The following TCF7L1 variants were observed in gnomAD, a reference collection of about 807,000 sequenced individuals.
TCF7L1 encodes the protein transcription factor 7-like 1.
Under a neutral mutation model 63.7 loss-of-function variants are expected in TCF7L1, and 18 were observed. The ratio of observed to expected loss-of-function variants is 0.28; its 90% CI spans 0.20 to 0.42. The LOEUF (loss-of-function observed/expected upper bound fraction) is 0.42, where lower values mean the gene tolerates loss of function less well. Ranked by LOEUF, TCF7L1 falls within the 10% of genes least tolerant of loss-of-function variation. TCF7L1 has a pLI of 1.00. For missense variants in TCF7L1, 654 were observed against 779.3 expected, an observed-to-expected ratio of 0.84 and a Z score of 1.91; for synonymous variants, 355 against 340.9, an observed-to-expected ratio of 1.04 and a Z score of -0.46.
chr2:85,241,712 T>C (rs1282834609), intron 3 of TCF7L1, among the ~76,000 whole-genome samples: 1 of 152,142 alleles, frequency 6.6e-6, no homozygotes, highest in African/African-American at 2.4e-5. Context: ...CCTAAAGTGC[T>C]GGGATTATAG....
intron 3 of TCF7L1, among the ~76,000 whole-genome samples, chr2:85,199,873 T>G (rs1341608285): frequency 6.6e-6 from 1 of 152,156 alleles, no homozygotes; most frequent in East Asian, 1.9e-4. Flanking sequence ...CCATCACCAC[T>G]CTCTAATTCC....
intron 3 of TCF7L1, among the ~76,000 whole-genome samples, chr2:85,210,468 G>A (rs1161539037): frequency 6.6e-6 from 1 of 152,210 alleles, no homozygotes. Flanking sequence ...AGCAAAGGTT[G>A]GAAAAGAACA....
At chr2:85,146,042 T>C (rs529095866) in intron 3 of TCF7L1, among the ~76,000 whole-genome samples, 1 of 152,196 alleles carries the variant, frequency 6.6e-6, no homozygotes, top group Non-Finnish European at 1.5e-5. Flanking sequence ...CTTCTTTATC[T>C]AAAACCTAAC....
At chr2:85,201,329 G>T (rs978125339) in intron 3 of TCF7L1, among the ~76,000 whole-genome samples, 1 of 152,184 alleles carries the variant, frequency 6.6e-6, no homozygotes, top group Non-Finnish European at 1.5e-5. Context: ...ATGGTGCCAT[G>T]TACAGTCTGT....
intron 3 of TCF7L1, among the ~76,000 whole-genome samples, chr2:85,236,086 A>C (rs1254352411): frequency 6.6e-6 from 1 of 152,050 alleles, no homozygotes; most frequent in Non-Finnish European, 1.5e-5. Context: ...CCTGGAGGTC[A>C]AGGCTGCAGT....
intron 3 of TCF7L1, among the ~76,000 whole-genome samples, chr2:85,150,212 G>A (rs914118423): frequency 8.6e-5 from 13 of 150,846 alleles, no homozygotes; most frequent in African/African-American, 2.9e-4. Flanking sequence ...GAAGTTCTTC[G>A]GCCTGTCTCT....
intron 3 of TCF7L1, among the ~76,000 whole-genome samples, chr2:85,179,017 A>G (rs565314154): frequency 4.6e-5 from 7 of 152,334 alleles, no homozygotes; most frequent in African/African-American, 1.4e-4. Context: ...CCTGGGGCTG[A>G]TAAGGGAGGG....
chr2:85,235,365 T>G (rs1680167170), intron 3 of TCF7L1, among the ~76,000 whole-genome samples: 1 of 151,602 alleles, frequency 6.6e-6, no homozygotes, highest in Non-Finnish European at 1.5e-5. Flanking sequence ...CCGAAGCCAT[T>G]TCTTTATCCT....
intron 3 of TCF7L1, among the ~76,000 whole-genome samples, chr2:85,159,777 G>A (rs1678242393): frequency 6.6e-6 from 1 of 152,226 alleles, no homozygotes; most frequent in Non-Finnish European, 1.5e-5. Context: ...CAGCAGGCCT[G>A]GCCTGACATC....
chr2:85,152,448 T>A (rs1381338193), intron 3 of TCF7L1, among the ~76,000 whole-genome samples: 1 of 150,948 alleles, frequency 6.6e-6, no homozygotes, highest in Admixed American at 6.6e-5. Context: ...TTTTTTTTTT[T>A]TTTTGAGACA....
chr2:85,208,021 C>T (rs907547848), intron 3 of TCF7L1, among the ~76,000 whole-genome samples: 4 of 152,102 alleles, frequency 2.6e-5, no homozygotes, highest in African/African-American at 9.7e-5. Context: ...ATTCTCCTGC[C>T]TCAGCCTCCT....
At chr2:85,161,858 A>G (rs1678293414) in intron 3 of TCF7L1, among the ~76,000 whole-genome samples, 1 of 152,080 alleles carries the variant, frequency 6.6e-6, no homozygotes, top group South Asian at 2.1e-4. Flanking sequence ...CTTTCGAGGC[A>G]GAGCTCAGAG....
At chr2:85,202,469 T>C (rs1679292809) in intron 3 of TCF7L1, among the ~76,000 whole-genome samples, 1 of 152,246 alleles carries the variant, frequency 6.6e-6, no homozygotes, top group South Asian at 2.1e-4. Context: ...AATTTAGCTA[T>C]ATTTTCTGTT....
At position 85,306,436 on chromosome 2, in the gene TCF7L1, A is replaced by T. The variant is rs377230475; in HGVS notation, c.1150-16A>T. ...CATTGATGGCTCCGTGTGGTCTCTG[A>T]CCCTCTCTCCCCCAGTGGCACAACC... On this transcript the variant is annotated splice_polypyrimidine_tract_variant and intron_variant, in intron 9 of 11. Transcript: ENST00000282111. The surrounding 1 kb of genome is among the most constrained non-coding windows in gnomAD (Gnocchi z 4.3). 3.7e-5 allele frequency: 60 copies of T among 1,613,690 alleles called. No homozygotes were observed. The highest frequency in any genetic ancestry group is 4.7e-5 in the Non-Finnish European group (56 of 1,179,908).
At chr2:85,291,140 CATT>C (rs1410769352) in intron 4 of TCF7L1, among the ~76,000 whole-genome samples, 1 of 152,232 alleles carries the variant, frequency 6.6e-6, no homozygotes, top group Non-Finnish European at 1.5e-5. Context: ...GCCCCAGTCT[CATT>C]ATCTGATCGT....
At chr2:85,142,693 C>T (rs73943058) in intron 3 of TCF7L1, among the ~76,000 whole-genome samples, 2,766 of 152,008 alleles carry the variant, frequency 0.018, 90 homozygotes, top group African/African-American at 0.063. Context: ...TCTCCCAAAC[C>T]GGATTAGATA....
rs532943788 is a variant in TCF7L1 at position 85,159,438 on chromosome 2, C to T, written c.441+24988C>T. On this transcript the variant is annotated intron_variant, in intron 3 of 11. Coordinates refer to ENST00000282111, the MANE Select transcript of TCF7L1 (RefSeq NM_031283.3). ...CACTGTCCTCTTTTGGCCTTTCTTC[C>T]GGCCTTACCAAGTTGTGGTGGTTGT... Among the ~76,000 whole-genome samples the T allele has an allele frequency of 4.6e-5, 7 of 152,298 alleles. No homozygotes were observed. The East Asian group carries it at 5.8e-4, about 13-fold the overall frequency.
chr2:85,295,325 C>G (rs1681816737), intron 4 of TCF7L1, among the ~76,000 whole-genome samples: 1 of 152,118 alleles, frequency 6.6e-6, no homozygotes, highest in South Asian at 2.1e-4. Flanking sequence ...TCTCAGCCTC[C>G]CTAGTAGCTG....
chr2:85,290,430 T>A (rs56379572), intron 4 of TCF7L1, among the ~76,000 whole-genome samples: 24,205 of 152,026 alleles, frequency 0.16, 2,219 homozygotes, highest in Non-Finnish European at 0.2. Flanking sequence ...CCTGCCTCAG[T>A]CTCCAAAAGT....
Sources: gnomAD v4.1 joint callset for allele counts (sites outside exome capture counted in the v4.1 genomes callset) on GRCh38, gnomAD v4.1.1 for gene constraint, Gnocchi (gnomAD v3.1) non-coding constraint, MANE v1.5 for transcripts, NCBI Gene and HGNC (gene_info 2026-07-23, HGNC 2026-07-21) for gene names.